PSD3: variants seen among roughly 807,000 people sequenced by gnomAD.
PSD3 encodes pleckstrin and Sec7 domain containing 3, also known as PH and SEC7 domain-containing protein 3.
PSD3 carries 49 observed loss-of-function variants against 105.5 expected under a neutral mutation model. The ratio of observed to expected loss-of-function variants is 0.46; its 90% CI spans 0.37 to 0.59. PSD3 has a LOEUF of 0.59. Among genes scored for constraint, PSD3 ranks in the 20% least tolerant of loss-of-function variants. PSD3 has a pLI of 0.00. For synonymous variants in PSD3, 557 were observed against 457.8 expected (o/e 1.22, Z -2.77); for missense variants, 1,561 against 1,263.8 (o/e 1.24, Z -3.57).
intron 9 of PSD3, among the ~76,000 whole-genome samples, chr8:18,759,548 A>T (rs896087156): frequency 1.3e-5 from 2 of 152,158 alleles, no homozygotes; most frequent in African/African-American, 4.8e-5. Flanking sequence ...CTCCCTTGGT[A>T]CTTACTGAAT....
chr8:18,670,353 C>T lies in PSD3; in HGVS notation c.2173-14668G>A, dbSNP rs150338076. Among the ~76,000 whole-genome samples, 547 of 152,204 alleles carry T rather than the reference C, an allele frequency of 3.6e-3. 3 individuals carry two copies. Among genetic ancestry groups the T allele is most frequent in the African/African-American group, 0.013 (527 of 41,536 alleles). ...AGTTAGAGGTTTATTCTGTGCTGGCCGGGTGACCACTAGAGGATTTTAAGC... is the reference window on the plus strand; with the variant it reads ...AGTTAGAGGTTTATTCTGTGCTGGCTGGGTGACCACTAGAGGATTTTAAGC... On this transcript the variant is annotated intron_variant, in intron 9 of 15. Transcript: ENST00000327040.
At chr8:18,550,937 G>A (rs1800730891) in intron 15 of PSD3, among the ~76,000 whole-genome samples, 1 of 152,182 alleles carries the variant, frequency 6.6e-6, no homozygotes, top group Non-Finnish European at 1.5e-5. Flanking sequence ...TACTAAGATT[G>A]AGACTTTTGC....
chr8:19,031,377 T>C (rs1223581422), intron 1 of PSD3, among the ~76,000 whole-genome samples: 2 of 152,192 alleles, frequency 1.3e-5, no homozygotes, highest in Non-Finnish European at 2.9e-5. Context: ...AATTATTTTG[T>C]TCAAAGAAAT....
intron 8 of PSD3, among the ~76,000 whole-genome samples, chr8:18,773,515 G>A (rs983559074): frequency 6.6e-6 from 1 of 152,124 alleles, no homozygotes; most frequent in East Asian, 1.9e-4. Flanking sequence ...TGGGATAAAT[G>A]TTATTGAGAT....
At chr8:18,596,400 AAT>A (rs1804097774) in intron 12 of PSD3, among the ~76,000 whole-genome samples, 1 of 152,030 alleles carries the variant, frequency 6.6e-6, no homozygotes, top group South Asian at 2.1e-4. Context: ...AAATAAACGA[AAT>A]AGAGAAATGA....
At chr8:18,720,418 A>C (rs1345523827) in intron 9 of PSD3, among the ~76,000 whole-genome samples, 1 of 152,202 alleles carries the variant, frequency 6.6e-6, no homozygotes. Flanking sequence ...TAATTTTATT[A>C]AGTCAAGGAT....
intron 9 of PSD3, among the ~76,000 whole-genome samples, chr8:18,682,193 C>T (rs764841475): frequency 1.3e-5 from 2 of 152,090 alleles, no homozygotes; most frequent in Admixed American, 1.3e-4. Context: ...CCTAAATTAT[C>T]ATGAGGATAG....
intron 10 of PSD3, among the ~76,000 whole-genome samples, chr8:18,646,428 G>C (rs749643439): frequency 2.6e-5 from 4 of 151,958 alleles, no homozygotes; most frequent in Non-Finnish European, 4.4e-5. Context: ...CTTTTTGAAA[G>C]AAAACCAAAT....
intron 9 of PSD3, among the ~76,000 whole-genome samples, chr8:18,678,477 T>C (rs1043997655): frequency 1.3e-5 from 2 of 152,256 alleles, no homozygotes; most frequent in Admixed American, 1.3e-4. Flanking sequence ...TTCCAGCCAA[T>C]CAAAACTGTT....
intron 1 of PSD3, among the ~76,000 whole-genome samples, chr8:18,943,398 A>T (rs748577927): frequency 7.2e-5 from 11 of 152,252 alleles, no homozygotes; most frequent in Non-Finnish European, 1.2e-4. Flanking sequence ...AGCACAGTAA[A>T]GAGATTCTTC....
At chr8:18,999,378 C>T (rs1479806017) in intron 1 of PSD3, among the ~76,000 whole-genome samples, 5 of 151,734 alleles carry the variant, frequency 3.3e-5, no homozygotes, top group Admixed American at 1.3e-4. Context: ...AAAATCAGTA[C>T]CTGGCGCTCA....
chr8:18,663,169 T>G (rs576558674), intron 9 of PSD3, among the ~76,000 whole-genome samples: 65 of 152,264 alleles, frequency 4.3e-4, no homozygotes, highest in Non-Finnish European at 6.3e-4. Context: ...GGCTCACAAA[T>G]GTAATCCCAG....
At chr8:18,867,566 C>T in intron 4 of PSD3, 108 bp downstream of exon 4, 1 of 1,380,244 alleles carries the variant, frequency 7.2e-7, no homozygotes, top group Non-Finnish European at 9.7e-7. Flanking sequence ...TGCTTATGTC[C>T]ACAGAAATTG....
intron 12 of PSD3, among the ~76,000 whole-genome samples, chr8:18,579,622 C>G (rs575562078): frequency 6.6e-6 from 1 of 152,074 alleles, no homozygotes; most frequent in East Asian, 1.9e-4. Context: ...CTTTTTTTCC[C>G]TGAGAAACTT....
At chr8:18,671,018 C>A (rs1183953066) in intron 9 of PSD3, among the ~76,000 whole-genome samples, 1 of 152,192 alleles carries the variant, frequency 6.6e-6, no homozygotes, top group Non-Finnish European at 1.5e-5. Flanking sequence ...TCCCTTTAGT[C>A]TCTATAATGC....
intron 9 of PSD3, among the ~76,000 whole-genome samples, chr8:18,695,308 C>A (rs1426094365): frequency 6.6e-6 from 1 of 152,198 alleles, no homozygotes; most frequent in African/African-American, 2.4e-5. Flanking sequence ...TACCTGTCAG[C>A]CCCAAATCAG....
intron 9 of PSD3, among the ~76,000 whole-genome samples, chr8:18,713,643 A>T (rs1279824052): frequency 6.6e-6 from 1 of 152,214 alleles, no homozygotes; most frequent in Non-Finnish European, 1.5e-5. Flanking sequence ...ATGCAAACAA[A>T]TGAAAAAACG....
intron 4 of PSD3, 68 bp from the exon 5 acceptor site, chr8:18,804,966 G>A: frequency 2.4e-6 from 3 of 1,259,640 alleles, no homozygotes; most frequent in Non-Finnish European, 2.2e-6. Context: ...AATATCTGAT[G>A]AAATATTGAT....
intron 14 of PSD3, among the ~76,000 whole-genome samples, chr8:18,560,331 C>A (rs562670106): frequency 1.3e-5 from 2 of 152,068 alleles, no homozygotes; most frequent in Non-Finnish European, 2.9e-5. Flanking sequence ...GTAATAGACA[C>A]GATGAAGAAA....
Sources: allele counts gnomAD v4.1 joint callset (sites outside exome capture counted in the v4.1 genomes callset), GRCh38; gene constraint gnomAD v4.1.1; transcripts MANE v1.5; gene names NCBI Gene and HGNC (gene_info 2026-07-23, HGNC 2026-07-21).